Variants in NLRP9 observed in about 807,000 individuals in gnomAD.
NLRP9 encodes the protein NLR family pyrin domain containing 9.
NLRP9 carries 88 observed loss-of-function variants against 83.1 expected under a neutral mutation model. The ratio of observed to expected loss-of-function variants is 1.06; its 90% CI spans 0.89 to 1.26. NLRP9 has a LOEUF of 1.26. NLRP9 is among the 50% of genes most tolerant of loss of function. The pLI is 0.00. For missense variants in NLRP9, 1,308 were observed against 1,179.3 expected, an observed-to-expected ratio of 1.11 and a Z score of -1.60; for synonymous variants, 521 against 447.6, an observed-to-expected ratio of 1.16 and a Z score of -2.07.
intron 3 of NLRP9, among the ~76,000 whole-genome samples, chr19:55,729,464 C>G (rs1179640350): frequency 1.3e-5 from 2 of 152,064 alleles, no homozygotes; most frequent in African/African-American, 4.8e-5. Context: ...CAATTCCCAC[C>G]TATGAGTGAG....
chr19:55,737,734 T>TAAAAAAAA (rs57736610), intron 1 of NLRP9: 1,070 of 80,260 alleles, frequency 0.013, 41 homozygotes, highest in Non-Finnish European at 0.02. Context: ...ACCCTTTCTC[T>TAAAAAAAA]AAAAAAAAAA....
intron 2 of NLRP9, among the ~76,000 whole-genome samples, chr19:55,730,991 A>G (rs1443077989): frequency 6.6e-6 from 1 of 152,184 alleles, no homozygotes; most frequent in Non-Finnish European, 1.5e-5. Context: ...TGGTGTAAAC[A>G]TTTAGTAACT....
At chr19:55,733,673 T>G (rs1988679021) in intron 1 of NLRP9, 123 bp from the exon 2 acceptor site, 1 of 641,512 alleles carries the variant, frequency 1.6e-6, no homozygotes, top group African/African-American at 1.8e-5. Flanking sequence ...AGGGTGCTTT[T>G]AAAATTTAAC....
In NLRP9 at chr19:55,715,081, G is replaced by A. The variant is rs1471872010; in HGVS notation, c.2475C>T (p.His825=). 1.2e-6 allele frequency: 2 copies of A among 1,612,244 alleles called. No individual in the cohort carries two copies. The highest frequency in any genetic ancestry group is 1.7e-5 in the Admixed American group (1 of 59,872). Residue 825 remains histidine, a synonymous_variant, in exon 6 of 9, where the codon CAC becomes CAT. Transcript: ENST00000332836. Reference sequence around the variant, plus strand: ...ACAGCTCCCGTATGCTGCAGCCTGGGTGCTTCAGCGCTGCACACAGAGATG... The same window carrying A: ...ACAGCTCCCGTATGCTGCAGCCTGGATGCTTCAGCGCTGCACACAGAGATG... The part of the protein sequence containing the change: ...GVASLCAALK[H]PGCSIRELWL...
chr19:55,725,325 G>A (rs996866495), intron 3 of NLRP9, among the ~76,000 whole-genome samples: 1 of 152,082 alleles, frequency 6.6e-6, no homozygotes, highest in Admixed American at 6.6e-5. Flanking sequence ...TTACAAACCA[G>A]ACACACGTAA....
intron 4 of NLRP9, among the ~76,000 whole-genome samples, chr19:55,723,038 C>A (rs1030401227): frequency 4.6e-5 from 7 of 151,964 alleles, no homozygotes; most frequent in African/African-American, 1.7e-4. Flanking sequence ...GGAGATATAC[C>A]TAATGTAAAT....
At chr19:55,728,647 C>G (rs374636474) in intron 3 of NLRP9, among the ~76,000 whole-genome samples, 2 of 152,098 alleles carry the variant, frequency 1.3e-5, no homozygotes, top group African/African-American at 4.8e-5. Flanking sequence ...AGCAAACAGG[C>G]CTTTCTCGAG....
At chr19:55,715,305 A>C in intron 5 of NLRP9, 80 bp from the exon 6 acceptor site, 1 of 1,235,452 alleles carries the variant, frequency 8.1e-7, no homozygotes, top group South Asian at 1.5e-5. Context: ...CTCCCAGCCC[A>C]CTGAAGCTTC....
intron 1 of NLRP9, among the ~76,000 whole-genome samples, 154 bp from the exon 2 acceptor site, chr19:55,733,704 A>G (rs558630577): frequency 2.6e-5 from 4 of 152,330 alleles, no homozygotes; most frequent in African/African-American, 9.6e-5. Flanking sequence ...GGTTCACGCC[A>G]TGATGGGAAG....
chr19:55,719,666 C>A (rs1434972592), intron 4 of NLRP9, among the ~76,000 whole-genome samples: 1 of 152,194 alleles, frequency 6.6e-6, no homozygotes, highest in Non-Finnish European at 1.5e-5. Flanking sequence ...TCGATTGAAA[C>A]TATGATGGGG....
Position 55,712,600 on chromosome 19 carries a change from T to G in NLRP9, c.2502-10A>C. 1 of 1,610,804 alleles carries G rather than the reference T, an allele frequency of 6.2e-7. No individual in the cohort carries two copies. Among genetic ancestry groups the G allele is most frequent in the Non-Finnish European group, 8.5e-7 (1 of 1,179,190 alleles). On this transcript the variant is annotated splice_polypyrimidine_tract_variant and intron_variant, in intron 6 of 8. Coordinates refer to ENST00000332836, the MANE Select transcript of NLRP9 (RefSeq NM_176820.4). ...GAAACAGCCCATCAACCTGGGGAGG[T>G]GGAAGACACACAAATACGTACACTT...
chr19:55,712,397 G>A lies in NLRP9; in HGVS notation c.2672+23C>T, dbSNP rs760255506. 10 of 1,578,580 alleles carry A rather than the reference G, an allele frequency of 6.3e-6. No individual in the cohort carries two copies. The East Asian group carries it at 6.7e-5, about 11-fold the overall frequency. ...TCTTGAAATAGATAAATTTTCCTAC[G>A]ATGGTGATCAGTAGATACTCACCCG... On this transcript the variant is annotated intron_variant, in intron 7 of 8. Coordinates refer to ENST00000332836, the MANE Select transcript of NLRP9 (RefSeq NM_176820.4).
chr19:55,736,268 G>A (rs955725170), intron 1 of NLRP9, among the ~76,000 whole-genome samples: 4 of 152,008 alleles, frequency 2.6e-5, no homozygotes, highest in Non-Finnish European at 5.9e-5. Context: ...GCAGGCGCCT[G>A]TAGTCCCAGC....
At chr19:55,721,215 G>C (rs895776203) in intron 4 of NLRP9, among the ~76,000 whole-genome samples, 11 of 152,168 alleles carry the variant, frequency 7.2e-5, no homozygotes, top group African/African-American at 1.9e-4. Context: ...TACCTTTGGT[G>C]GAAGTTGGGT....
At chr19:55,712,621 C>A (rs1987783669) in intron 6 of NLRP9, 31 bp from the exon 7 acceptor site, 1 of 1,596,872 alleles carries the variant, frequency 6.3e-7, no homozygotes, top group Non-Finnish European at 8.6e-7. Flanking sequence ...CAAATACGTA[C>A]ACTTATGAGG....
intron 7 of NLRP9, 89 bp from the exon 8 acceptor site, chr19:55,712,059 C>T (rs1987753888): frequency 2.3e-6 from 3 of 1,293,826 alleles, no homozygotes; most frequent in Middle Eastern, 1.9e-4. Context: ...ACACACCTCC[C>T]GGCAGGACGC....
In NLRP9 at chr19:55,715,009, C is replaced by CA. The variant is rs749482114; in HGVS notation, c.2501+45dup. 4.1e-5 allele frequency: 64 copies of CA among 1,550,536 alleles called. No homozygotes were observed. The African/African-American group carries it at 5.0e-4, about 12-fold the overall frequency. On this transcript the variant is annotated intron_variant, in intron 6 of 8. Transcript: ENST00000332836. ...ATGTCTTTCCTAGAGCCACAGTATC[C>CA]AAAAAAAGAAACCCTGACATTGAAG...
At chr19:55,729,471 T>C (rs1439661597) in intron 3 of NLRP9, among the ~76,000 whole-genome samples, 1 of 152,016 alleles carries the variant, frequency 6.6e-6, no homozygotes, top group East Asian at 1.9e-4. Flanking sequence ...CACCTATGAG[T>C]GAGAACATGC....
intron 5 of NLRP9, 149 bp from the exon 6 acceptor site, chr19:55,715,374 G>C: frequency 1.5e-6 from 1 of 672,842 alleles, no homozygotes; most frequent in East Asian, 2.8e-5. Flanking sequence ...GATGTTCCTT[G>C]AACTCTGCTG....
Sources: allele counts gnomAD v4.1 joint callset (sites outside exome capture counted in the v4.1 genomes callset), GRCh38; gene constraint gnomAD v4.1.1; transcripts MANE v1.5; gene names NCBI Gene and HGNC (gene_info 2026-07-23, HGNC 2026-07-21).